EPB41L4A: variants seen among roughly 807,000 people sequenced by gnomAD.
The protein encoded by EPB41L4A is band 4.1-like protein 4A.
Under a neutral mutation model 108.6 loss-of-function variants are expected in EPB41L4A, and 100 were observed. The observed-to-expected ratio is 0.92, with a 90% CI of 0.78 to 1.09. The LOEUF is 1.09. Among genes scored for constraint, EPB41L4A ranks in the 50% least tolerant of loss-of-function variants. EPB41L4A has a pLI of 0.00. For missense variants in EPB41L4A, 1,030 were observed against 842.7 expected, an observed-to-expected ratio of 1.22 and a Z score of -2.75; for synonymous variants, 319 against 289.0, an observed-to-expected ratio of 1.10 and a Z score of -1.05.
chr5:112,359,889 C>G (rs1758609784), intron 1 of EPB41L4A, among the ~76,000 whole-genome samples: 1 of 152,164 alleles, frequency 6.6e-6, no homozygotes, highest in Admixed American at 6.5e-5. Context: ...TTACTTTATT[C>G]TGAATAATTA....
At chr5:112,384,729 GAAAC>G (rs1434731473) in intron 1 of EPB41L4A, among the ~76,000 whole-genome samples, 8 of 143,434 alleles carry the variant, frequency 5.6e-5, no homozygotes, top group Non-Finnish European at 9.3e-5. Context: ...GAGGGAAAGA[GAAAC>G]AAAAAGAGAA....
At chr5:112,246,565 A>T (rs1026844434) in intron 9 of EPB41L4A, among the ~76,000 whole-genome samples, 1 of 152,172 alleles carries the variant, frequency 6.6e-6, no homozygotes, top group East Asian at 1.9e-4. Flanking sequence ...CAAGATGAAA[A>T]GCTACATGCC....
At chr5:112,270,170 G>T (rs554228960) in intron 4 of EPB41L4A, among the ~76,000 whole-genome samples, 1 of 152,138 alleles carries the variant, frequency 6.6e-6, no homozygotes, top group Non-Finnish European at 1.5e-5. Flanking sequence ...TAAGATTCCT[G>T]GCCAAGAACA....
chr5:112,170,298 C>T lies in EPB41L4A; in HGVS notation c.1739+3G>A. 1.2e-6 allele frequency: 2 copies of T among 1,612,658 alleles called. No homozygotes were observed. Among genetic ancestry groups the T allele is most frequent in the African/African-American group, 2.7e-5 (2 of 75,006 alleles). On this transcript the variant is annotated splice_donor_region_variant and intron_variant, in intron 20 of 22. Transcript: ENST00000261486. ...TGGTGAGAAGATTCTGAAAGGCACT[C>T]ACTCTATTTTAGTGTATGGAATCTC...
At chr5:112,193,074 T>A (rs957352476) in intron 17 of EPB41L4A, among the ~76,000 whole-genome samples, 1 of 152,208 alleles carries the variant, frequency 6.6e-6, no homozygotes, top group African/African-American at 2.4e-5. Flanking sequence ...TCGTAACACA[T>A]TGAGATCTCC....
chr5:112,160,191 T>C (rs572389542), downstream of EPB41L4A, among the ~76,000 whole-genome samples: 1 of 152,318 alleles, frequency 6.6e-6, no homozygotes, highest in South Asian at 2.1e-4. Flanking sequence ...ATTACAGGCA[T>C]GAGCCACCGC....
chr5:112,361,388 C>CG (rs1758748650), intron 1 of EPB41L4A, among the ~76,000 whole-genome samples: 1 of 152,162 alleles, frequency 6.6e-6, no homozygotes, highest in African/African-American at 2.4e-5. Context: ...CTGCAGAAGG[C>CG]GGCAGGGCCC....
intron 1 of EPB41L4A, among the ~76,000 whole-genome samples, chr5:112,368,797 A>T (rs542800613): frequency 1.3e-5 from 2 of 150,432 alleles, no homozygotes; most frequent in Non-Finnish European, 1.5e-5. Flanking sequence ...TTTCCTGCTC[A>T]CTCTCCTTTC....
chr5:112,316,825 G>A (rs1237816999), intron 1 of EPB41L4A, among the ~76,000 whole-genome samples: 1 of 152,170 alleles, frequency 6.6e-6, no homozygotes, highest in Admixed American at 6.5e-5. Flanking sequence ...CTGGGCTGAA[G>A]AACCCAGGAT....
At chr5:112,297,963 T>C (rs1754111789) in intron 2 of EPB41L4A, among the ~76,000 whole-genome samples, 1 of 152,218 alleles carries the variant, frequency 6.6e-6, no homozygotes, top group African/African-American at 2.4e-5. Flanking sequence ...TTCTGGGCTC[T>C]CTATTCTATT....
rs114340968 is a variant in EPB41L4A, at chr5:112,386,483, T to A, written c.99+32458A>T. Among the ~76,000 whole-genome samples, 773 of 152,302 alleles carry A rather than the reference T, an allele frequency of 5.1e-3. 2 individuals are homozygous for A. The highest frequency in any genetic ancestry group is 0.018 in the African/African-American group (737 of 41,544). ...AATTTCCTCTACATGGCCCAATACT[T>A]ATTAAAAAGGATGCTCGGGGAATGA... On this transcript the variant is annotated intron_variant, in intron 1 of 22. Transcript: ENST00000261486.
chr5:112,272,278 G>A (rs570532937), intron 4 of EPB41L4A, among the ~76,000 whole-genome samples: 1 of 151,522 alleles, frequency 6.6e-6, no homozygotes, highest in East Asian at 2.0e-4. Context: ...GTAACCGGGA[G>A]TACAGGTGCC....
chr5:112,161,258 C>T (rs948249031), downstream of EPB41L4A: 2 of 310,298 alleles, frequency 6.4e-6, no homozygotes, highest in African/African-American at 2.2e-5. Context: ...GCTGTTTCCA[C>T]GTGCGGTGCT....
intron 12 of EPB41L4A, among the ~76,000 whole-genome samples, chr5:112,231,226 G>T (rs1748895114): frequency 6.6e-6 from 1 of 152,128 alleles, no homozygotes; most frequent in South Asian, 2.1e-4. Flanking sequence ...TATTAAAATG[G>T]CATTGTTTAG....
chr5:112,207,883 A>T (rs1348288218), intron 13 of EPB41L4A, among the ~76,000 whole-genome samples: 1 of 152,176 alleles, frequency 6.6e-6, no homozygotes, highest in African/African-American at 2.4e-5. Context: ...AGAACTTAAA[A>T]CAGAACCACC....
chr5:112,416,226 TG>T (rs1762713713), intron 1 of EPB41L4A, among the ~76,000 whole-genome samples: 1 of 152,100 alleles, frequency 6.6e-6, no homozygotes, highest in South Asian at 2.1e-4. Flanking sequence ...ATCCAAAGAA[TG>T]TTTTTCAAAA....
intron 1 of EPB41L4A, among the ~76,000 whole-genome samples, chr5:112,364,879 G>A (rs758157052): frequency 4.3e-4 from 65 of 152,152 alleles, no homozygotes; most frequent in Admixed American, 5.2e-4. Context: ...ATAAATATTA[G>A]GTCTAAATGT....
chr5:112,277,557 T>A (rs1332000990), intron 3 of EPB41L4A, among the ~76,000 whole-genome samples: 2 of 152,146 alleles, frequency 1.3e-5, no homozygotes, highest in Non-Finnish European at 2.9e-5. Flanking sequence ...TGGGAACATA[T>A]GCAAGGCACA....
At chr5:112,268,899 T>C (rs942014165) in intron 4 of EPB41L4A, among the ~76,000 whole-genome samples, 6 of 148,782 alleles carry the variant, frequency 4.0e-5, no homozygotes, top group African/African-American at 2.4e-5. Flanking sequence ...ATCAAATCTT[T>C]TGCCAAATAC....
Sources: allele counts gnomAD v4.1 joint callset (sites outside exome capture counted in the v4.1 genomes callset), GRCh38; gene constraint gnomAD v4.1.1; transcripts MANE v1.5; gene names NCBI Gene and HGNC (gene_info 2026-07-23, HGNC 2026-07-21).